The following MS4A5 variants were observed in gnomAD, a reference collection of about 807,000 sequenced individuals.
MS4A5 encodes membrane-spanning 4-domains subfamily A member 5.
MS4A5 carries 15 observed loss-of-function variants against 18.2 expected under a neutral mutation model. That is an observed-to-expected ratio of 0.83 (90% CI 0.55 to 1.27). The LOEUF (loss-of-function observed/expected upper bound fraction) is 1.27. Ranked by LOEUF, MS4A5 falls within the 50% of genes most tolerant of loss-of-function variation. The pLI is 0.00. For synonymous variants in MS4A5, 89 were observed against 78.7 expected, an observed-to-expected ratio of 1.13 and a Z score of -0.69; for missense variants, 232 against 225.7, an observed-to-expected ratio of 1.03 and a Z score of -0.18.
At chr11:60,447,509 G>C in intron 4 of MS4A5, 140 bp from the exon 5 acceptor site, 1 of 590,708 alleles carries the variant, frequency 1.7e-6, no homozygotes, top group Non-Finnish European at 3.0e-6. Flanking sequence ...TCACTGATTT[G>C]ATTCCTAAGC....
chr11:60,432,336 CAT>C, intron 2 of MS4A5, 73 bp from the exon 3 acceptor site: 2 of 946,950 alleles, frequency 2.1e-6, no homozygotes, highest in Non-Finnish European at 3.2e-6. Context: ...AAAAGAAATG[CAT>C]AGAGGTCTAT....
Position 60,429,575 on chromosome 11 carries a change from C to A in MS4A5, c.-100C>A. 8.5e-7 allele frequency: 1 copy of A among 1,176,272 alleles called. No individual in the cohort carries two copies. Among genetic ancestry groups the A allele is most frequent in the Non-Finnish European group, 1.2e-6 (1 of 838,886 alleles). The allele number at this position is 1,176,272 out of a possible 1,614,324, so 72.9% of individuals were successfully genotyped here. ...TTCTATAATTCCAAGACAAAGCAAA[C>A]AATTCCAGTGCTCCAGGCAGCCTCA... On this transcript the variant is annotated 5_prime_UTR_variant, in exon 1 of 5. Transcript: ENST00000300190.
Position 60,429,833 on chromosome 11 carries a change from T to C in MS4A5, c.153+6T>C, listed in dbSNP as rs2086038832. ...GAAAAATGAAAATCTTAGGGGTAAG[T>C]AAGACTTGCCCCTATGTATATTTTA... On this transcript the variant is annotated splice_donor_region_variant and intron_variant, in intron 1 of 4. Coordinates refer to ENST00000300190, the MANE Select transcript of MS4A5 (RefSeq NM_023945.3). 6.2e-7 allele frequency: 1 copy of C among 1,612,110 alleles called. No homozygotes were observed. Among genetic ancestry groups the C allele is most frequent in the African/African-American group, 1.3e-5 (1 of 74,840 alleles).
intron 4 of MS4A5, among the ~76,000 whole-genome samples, chr11:60,446,407 A>G (rs919432587): frequency 1.3e-5 from 2 of 152,158 alleles, no homozygotes; most frequent in Non-Finnish European, 2.9e-5. Flanking sequence ...TTGCCAAAAT[A>G]CAAAATATTT....
chr11:60,430,065 C>G (rs1045174594), intron 1 of MS4A5, among the ~76,000 whole-genome samples: 1 of 152,130 alleles, frequency 6.6e-6, no homozygotes, highest in African/African-American at 2.4e-5. Context: ...GTGATAGTTG[C>G]TATGGCAGTA....
intron 4 of MS4A5, among the ~76,000 whole-genome samples, chr11:60,437,473 C>G (rs992469334): frequency 1.3e-5 from 2 of 152,084 alleles, no homozygotes; most frequent in Non-Finnish European, 2.9e-5. Context: ...TAGACACAGA[C>G]TGGCAAATTG....
At chr11:60,432,558 C>T (rs557682214) in intron 3 of MS4A5, 91 bp downstream of exon 3, 31 of 731,862 alleles carry the variant, frequency 4.2e-5, no homozygotes, top group East Asian at 2.1e-4. Flanking sequence ...GAGGCCAAGA[C>T]GGGTGGATCA....
Position 60,430,825 on chromosome 11 carries a change from C to T in MS4A5, c.183C>T (p.Thr61=). The change falls in exon 2 of 5, where the codon ACC becomes ACT. Residue 61 remains threonine, a synonymous_variant. Transcript: ENST00000300190. ...GTIQILFGIM[T]FSFGVIFLFT... is the part of the protein sequence containing the mutation. ...TCCAGATCCTGTTTGGAATTATGACCTTTTCTTTTGGAGTTATCTTCCTTT... is the reference window on the plus strand; with the variant it reads ...TCCAGATCCTGTTTGGAATTATGACTTTTTCTTTTGGAGTTATCTTCCTTT... The T allele has an allele frequency of 1.9e-6, 3 of 1,613,056 alleles. No homozygotes were observed. The highest frequency in any genetic ancestry group is 2.5e-6 in the Non-Finnish European group (3 of 1,179,808).
chr11:60,442,322 C>G (rs973514100), intron 4 of MS4A5, among the ~76,000 whole-genome samples: 6 of 152,194 alleles, frequency 3.9e-5, no homozygotes, highest in African/African-American at 7.2e-5. Flanking sequence ...AGTGAGAACA[C>G]TTAACATTCA....
intron 4 of MS4A5, among the ~76,000 whole-genome samples, chr11:60,434,399 A>G (rs555132709): frequency 2.6e-5 from 4 of 152,322 alleles, no homozygotes; most frequent in East Asian, 3.9e-4. Context: ...ACATGGAGAG[A>G]AAAAGAGAGT....
At chr11:60,446,697 T>C (rs1412152491) in intron 4 of MS4A5, among the ~76,000 whole-genome samples, 1 of 150,776 alleles carries the variant, frequency 6.6e-6, no homozygotes, top group African/African-American at 2.4e-5. Context: ...CCTGCCATTG[T>C]ACTCCAGCCT....
intron 4 of MS4A5, among the ~76,000 whole-genome samples, chr11:60,447,404 A>ATCCTATGCTGTGCTGTG (rs1461968841): frequency 6.8e-6 from 1 of 146,342 alleles, no homozygotes; most frequent in Non-Finnish European, 1.5e-5. Context: ...GCTGTGCTGT[A>ATCCTATGCTGTGCTGTG]CTATGCTATG....
At chr11:60,440,096 G>A (rs2086102313) in intron 4 of MS4A5, among the ~76,000 whole-genome samples, 1 of 123,072 alleles carries the variant, frequency 8.1e-6, no homozygotes, top group East Asian at 2.3e-4. Flanking sequence ...CAATGGAACA[G>A]AACAGAGCCC....
rs753222238 is a variant in MS4A5 at position 60,433,860 on chromosome 11, C to T, written c.435C>T (p.Tyr145=). The change falls in exon 4 of 5, where the codon TAC becomes TAT. Residue 145 remains tyrosine (Y), a synonymous_variant. Coordinates refer to ENST00000300190, the MANE Select transcript of MS4A5 (RefSeq NM_023945.3). ...TTGGTTTCATCCTAGATCAAAACTACATTTGTGGTTATTCTCACCAAAATA... is the reference window on the plus strand; with the variant it reads ...TTGGTTTCATCCTAGATCAAAACTATATTTGTGGTTATTCTCACCAAAATA... ...LTFGFILDQN[Y]ICGYSHQNSQ... is the part of the protein sequence containing the mutation. 1.7e-5 allele frequency: 28 copies of T among 1,613,996 alleles called. No individual in the cohort carries two copies. The highest frequency in any genetic ancestry group is 6.7e-5 in the Admixed American group (4 of 60,014).
chr11:60,434,008 G>A, intron 4 of MS4A5, 91 bp downstream of exon 4: 1 of 1,105,838 alleles, frequency 9.0e-7, no homozygotes, highest in Non-Finnish European at 1.3e-6. Context: ...ATCATGTTGT[G>A]GACACATGTA....
chr11:60,433,740 T>C (rs749433375), intron 3 of MS4A5, 25 bp from the exon 4 acceptor site: 6 of 1,609,372 alleles, frequency 3.7e-6, no homozygotes, highest in African/African-American at 2.7e-5. Flanking sequence ...CTCAGTCACA[T>C]TGTTATGTTC....
chr11:60,437,893 G>A (rs1447080545), intron 4 of MS4A5, among the ~76,000 whole-genome samples: 2 of 151,304 alleles, frequency 1.3e-5, no homozygotes, highest in African/African-American at 4.9e-5. Flanking sequence ...GGATACCCAG[G>A]AATTGAACTC....
Position 60,442,311 on chromosome 11 carries a change from C to T in MS4A5, c.493-5338C>T, listed in dbSNP as rs143258322. ...TTACCTCCCATAGTTATCACTTTTG[C>T]AGTGAGAACACTTAACATTCACTAT... On this transcript the variant is annotated intron_variant, in intron 4 of 4. Transcript: ENST00000300190. Among the ~76,000 whole-genome samples, 5 of 152,328 alleles carry T rather than the reference C, an allele frequency of 3.3e-5. No homozygotes were observed. In the East Asian group the frequency reaches 9.6e-4, roughly 29 times the overall value.
chr11:60,447,558 T>C, intron 4 of MS4A5, 91 bp from the exon 5 acceptor site: 1 of 676,034 alleles, frequency 1.5e-6, no homozygotes, highest in Non-Finnish European at 2.5e-6. Flanking sequence ...GCTTTTATTA[T>C]CTGGGCATCA....
Sources: allele counts gnomAD v4.1 joint callset (sites outside exome capture counted in the v4.1 genomes callset), GRCh38; gene constraint gnomAD v4.1.1; transcripts MANE v1.5; gene names NCBI Gene and HGNC (gene_info 2026-07-23, HGNC 2026-07-21).